The following TPD52L1 variants were observed in gnomAD, a reference collection of about 807,000 sequenced individuals.
TPD52L1 encodes tumor protein D53.
A neutral mutation model predicts 28.7 loss-of-function variants in TPD52L1; 18 were observed. The observed-to-expected ratio is 0.63, with a 90% CI of 0.43 to 0.93. The LOEUF (loss-of-function observed/expected upper bound fraction) is 0.93, where lower values mean the gene tolerates loss of function less well. Among genes scored for constraint, TPD52L1 ranks in the 40% least tolerant of loss-of-function variants. TPD52L1 has a pLI of 0.00. For synonymous variants in TPD52L1, 75 were observed against 88.8 expected (o/e 0.84, Z 0.88); for missense variants, 203 against 254.8 (o/e 0.80, Z 1.39).
intron 1 of TPD52L1, among the ~76,000 whole-genome samples, chr6:125,161,364 T>G (rs1457829760): frequency 6.6e-6 from 1 of 152,226 alleles, no homozygotes; most frequent in Non-Finnish European, 1.5e-5. Flanking sequence ...CTATTTCACT[T>G]TCTTATCATT....
At chr6:125,232,952 G>C (rs1047662967) in intron 3 of TPD52L1, among the ~76,000 whole-genome samples, 3 of 152,240 alleles carry the variant, frequency 2.0e-5, no homozygotes, top group East Asian at 1.9e-4. Flanking sequence ...ACTTCAAGGA[G>C]ACATGGGAGA....
intron 1 of TPD52L1, among the ~76,000 whole-genome samples, chr6:125,172,098 CCCTTTCTTTCTTTCTTTCTTTCTTTCTTT>C (rs1791360481): frequency 1.3e-5 from 1 of 77,446 alleles, no homozygotes; most frequent in South Asian, 4.2e-4. Context: ...TTCTTTCTTT[CCCTTTCTTTCTTTCTTTCTTTCTTTCTTT>C]CTTTCTTTCT....
At chr6:125,242,945 T>G (rs2115022809) in intron 3 of TPD52L1, among the ~76,000 whole-genome samples, 1 of 152,290 alleles carries the variant, frequency 6.6e-6, no homozygotes, top group South Asian at 2.1e-4. Context: ...AAGGTTTTGT[T>G]TCAAGATTTA....
Position 125,207,952 on chromosome 6 carries a change from T to C in TPD52L1, c.20-12126T>C, listed in dbSNP as rs113237783. Among the ~76,000 whole-genome samples the C allele has an allele frequency of 1.9e-3, 289 of 152,306 alleles. 2 individuals carry two copies. The highest frequency in any genetic ancestry group is 6.8e-3 in the African/African-American group (283 of 41,564). On this transcript the variant is annotated intron_variant, in intron 1 of 6. Coordinates refer to ENST00000534000, the MANE Select transcript of TPD52L1 (RefSeq NM_003287.4). Reference sequence around the variant, plus strand: ...TAAGATATGTAACACACCTGGAGCATAGCATGCAGTTAAAAAGAAACACAC... The same window carrying C: ...TAAGATATGTAACACACCTGGAGCACAGCATGCAGTTAAAAAGAAACACAC...
chr6:125,182,899 C>G (rs907122876), intron 1 of TPD52L1, among the ~76,000 whole-genome samples: 1 of 152,174 alleles, frequency 6.6e-6, no homozygotes, highest in Non-Finnish European at 1.5e-5. Context: ...AATTCACACA[C>G]ACATAGATGG....
At chr6:125,246,635 T>C (rs1392230021) in intron 3 of TPD52L1, among the ~76,000 whole-genome samples, 3 of 152,176 alleles carry the variant, frequency 2.0e-5, no homozygotes, top group Admixed American at 6.5e-5. Flanking sequence ...AAAATTTAAT[T>C]TGAATGAGCT....
chr6:125,238,960 A>T (rs1200207396), intron 3 of TPD52L1, among the ~76,000 whole-genome samples: 1 of 152,192 alleles, frequency 6.6e-6, no homozygotes. Context: ...TGTCTTTTTC[A>T]TATAATGACT....
intron 3 of TPD52L1, among the ~76,000 whole-genome samples, chr6:125,239,576 C>T (rs372546348): frequency 6.6e-6 from 1 of 152,136 alleles, no homozygotes; most frequent in East Asian, 1.9e-4. Context: ...CCACCAGGTC[C>T]CTCCCACAAC....
chr6:125,181,538 A>G (rs1436823716), intron 1 of TPD52L1, among the ~76,000 whole-genome samples: 2 of 152,252 alleles, frequency 1.3e-5, no homozygotes, highest in African/African-American at 4.8e-5. Flanking sequence ...ATGAACAGAT[A>G]AAGAATGCAT....
At chr6:125,187,771 T>C (rs1178189747) in intron 1 of TPD52L1, among the ~76,000 whole-genome samples, 1 of 152,198 alleles carries the variant, frequency 6.6e-6, no homozygotes, top group African/African-American at 2.4e-5. Flanking sequence ...TGTAAATGTG[T>C]ATGTACACAC....
chr6:125,155,323 G>C (rs1369888166), intron 1 of TPD52L1, among the ~76,000 whole-genome samples: 1 of 152,196 alleles, frequency 6.6e-6, no homozygotes, highest in Non-Finnish European at 1.5e-5. Flanking sequence ...ACTGGCCTTG[G>C]CCAACCCCAT....
At position 125,253,716 on chromosome 6, in the gene TPD52L1, G is replaced by A; in HGVS notation, c.387-1G>A. 1.9e-5 allele frequency: 30 copies of A among 1,613,202 alleles called. No homozygotes were observed. Among genetic ancestry groups the A allele is most frequent in the Non-Finnish European group, 2.5e-5 (29 of 1,179,698 alleles). ...CCCTTTAATCTGCTTTTGCTCTGAA[G>A]TTACTCCATTCGCCATTCCATAAGT... On this transcript the variant is annotated splice_acceptor_variant, in intron 4 of 6. Coordinates refer to ENST00000534000, the MANE Select transcript of TPD52L1 (RefSeq NM_003287.4). LOFTEE classifies it high-confidence loss of function.
intron 1 of TPD52L1, among the ~76,000 whole-genome samples, chr6:125,172,166 TTTCTTTCTTTC>T (rs1562211962): frequency 1.5e-5 from 1 of 67,220 alleles, no homozygotes; most frequent in Non-Finnish European, 3.4e-5. Context: ...CTTTTCTTTC[TTTCTTTCTTTC>T]TTTCTTTCTT....
chr6:125,162,687 T>C (rs1790603082), intron 1 of TPD52L1, among the ~76,000 whole-genome samples: 1 of 152,164 alleles, frequency 6.6e-6, no homozygotes, highest in African/African-American at 2.4e-5. Context: ...TTTCACTCAA[T>C]CTTGGTTTCT....
In TPD52L1 at chr6:125,154,318, G is replaced by T. The variant is rs902987409; in HGVS notation, c.19+348G>T. 13 of 1,112,672 alleles carry T rather than the reference G, an allele frequency of 1.2e-5. No homozygotes were observed. The South Asian group carries it at 2.0e-4, about 17-fold the overall frequency. 68.9% of individuals were successfully genotyped at this position (1,112,672 alleles called of 1,614,324 possible). On this transcript the variant is annotated intron_variant, in intron 1 of 6. Transcript: ENST00000534000. ...GTGCCGGGTCCGGAAAGCGTGTTTC[G>T]CTCCCTTTCCCTTGAGGGAGTGGGG...
At chr6:125,171,906 G>A (rs1042723113) in intron 1 of TPD52L1, among the ~76,000 whole-genome samples, 7 of 151,926 alleles carry the variant, frequency 4.6e-5, no homozygotes, top group Non-Finnish European at 7.4e-5. Flanking sequence ...GCAGGGCTCC[G>A]TGTGAGAGGA....
chr6:125,191,113 C>G (rs1180145473), intron 1 of TPD52L1, among the ~76,000 whole-genome samples: 1 of 152,212 alleles, frequency 6.6e-6, no homozygotes, highest in African/African-American at 2.4e-5. Context: ...GTCCTCACAA[C>G]TACAGTTAAC....
intron 3 of TPD52L1, among the ~76,000 whole-genome samples, chr6:125,245,651 T>G (rs1207333964): frequency 2.6e-5 from 4 of 152,142 alleles, no homozygotes; most frequent in African/African-American, 9.7e-5. Flanking sequence ...AAGGGGATTA[T>G]GGCTGCCTCT....
At chr6:125,175,046 C>A (rs757604530) in intron 1 of TPD52L1, among the ~76,000 whole-genome samples, 12 of 152,130 alleles carry the variant, frequency 7.9e-5, no homozygotes, top group Non-Finnish European at 1.5e-4. Flanking sequence ...CTATCATTAT[C>A]TATCACCTTT....
Sources: allele counts gnomAD v4.1 joint callset (sites outside exome capture counted in the v4.1 genomes callset), GRCh38; gene constraint gnomAD v4.1.1; transcripts MANE v1.5; gene names NCBI Gene and HGNC (gene_info 2026-07-23, HGNC 2026-07-21).